Variants in SMC6 observed in about 807,000 individuals in gnomAD.
SMC6 encodes the protein structural maintenance of chromosomes 6.
Under a neutral mutation model 142.2 loss-of-function variants are expected in SMC6, and 79 were observed. The observed-to-expected ratio is 0.56, with a 90% CI of 0.46 to 0.67. SMC6 has a LOEUF of 0.67. SMC6 is among the 30% of genes least tolerant of loss of function. The pLI is 0.00. For synonymous variants in SMC6, 411 were observed against 412.4 expected (o/e 1.00, Z 0.04); for missense variants, 1,072 against 1,284.0 (o/e 0.83, Z 2.52).
At chr2:17,739,849 C>G (rs1004363641) in intron 4 of SMC6, among the ~76,000 whole-genome samples, 11 of 143,078 alleles carry the variant, frequency 7.7e-5, no homozygotes, top group South Asian at 2.3e-4. Context: ...CACACAGACA[C>G]ACACACACAC....
chr2:17,741,553 A>T, intron 4 of SMC6, 59 bp downstream of exon 4: 1 of 1,046,358 alleles, frequency 9.6e-7, no homozygotes, highest in South Asian at 1.5e-5. Context: ...TCAAAAAGTT[A>T]ACGTACTCTA....
At chr2:17,719,796 A>G (rs1481801499) in intron 11 of SMC6, among the ~76,000 whole-genome samples, 1 of 152,188 alleles carries the variant, frequency 6.6e-6, no homozygotes. Flanking sequence ...TAAGTGTCCT[A>G]TCTTTACCTA....
chr2:17,716,708 GA>G (rs1245332234), intron 14 of SMC6, 32 bp downstream of exon 14: 5 of 1,589,226 alleles, frequency 3.1e-6, no homozygotes, highest in East Asian at 2.2e-5. Context: ...AAAAGTAATT[GA>G]AAAAAATCAT....
At chr2:17,729,490 A>C (rs554663120) in intron 7 of SMC6, among the ~76,000 whole-genome samples, 1 of 152,338 alleles carries the variant, frequency 6.6e-6, no homozygotes, top group African/African-American at 2.4e-5. Context: ...CCACAGAAGA[A>C]GGAAGAAGCC....
chr2:17,696,673 T>C (rs1386640604), intron 21 of SMC6, among the ~76,000 whole-genome samples: 1 of 152,160 alleles, frequency 6.6e-6, no homozygotes, highest in Non-Finnish European at 1.5e-5. Flanking sequence ...AACTAGGTGT[T>C]TTTGGGGGAA....
rs143229444 is a variant in SMC6, at chr2:17,715,557, T to C, written c.1526-492A>G. On this transcript the variant is annotated intron_variant, in intron 15 of 27. Coordinates refer to ENST00000448223, the MANE Select transcript of SMC6 (RefSeq NM_001142286.2). ...ATACTTTACTAACAAAATATATTTA[T>C]AAGCATTTTCACCTAATGATTTTCA... Among the ~76,000 whole-genome samples, 47 of 152,280 alleles carry C rather than the reference T, an allele frequency of 3.1e-4. No homozygotes were observed. In the East Asian group the frequency reaches 4.6e-3, roughly 15 times the overall value.
At chr2:17,731,164 A>G in intron 6 of SMC6, 25 bp from the exon 7 acceptor site, 1 of 1,551,294 alleles carries the variant, frequency 6.4e-7, no homozygotes, top group Non-Finnish European at 8.9e-7. Flanking sequence ...CATATGAAAT[A>G]ACCAAACTGT....
At chr2:17,685,424 T>C (rs1406261016) in intron 23 of SMC6, among the ~76,000 whole-genome samples, 1 of 152,134 alleles carries the variant, frequency 6.6e-6, no homozygotes, top group Non-Finnish European at 1.5e-5. Flanking sequence ...GATTTTATAT[T>C]AGGTGAAACT....
chr2:17,693,740 A>T (rs1035500830), intron 23 of SMC6, among the ~76,000 whole-genome samples: 6 of 152,128 alleles, frequency 3.9e-5, no homozygotes, highest in African/African-American at 9.7e-5. Flanking sequence ...TCATGCCTGT[A>T]ATCTCAGCAC....
At chr2:17,694,007 A>G (rs1667869050) in intron 23 of SMC6, among the ~76,000 whole-genome samples, 1 of 143,672 alleles carries the variant, frequency 7.0e-6, no homozygotes, top group Admixed American at 6.8e-5. Flanking sequence ...TCTCAAAAAA[A>G]AAAAAAAAAA....
At chr2:17,722,748 C>G (rs532305390) in intron 9 of SMC6, among the ~76,000 whole-genome samples, 1 of 152,282 alleles carries the variant, frequency 6.6e-6, no homozygotes, top group Admixed American at 6.5e-5. Context: ...CTGCCCTTGG[C>G]TTCTCATGGC....
At chr2:17,714,093 T>G (rs895989402) in intron 16 of SMC6, among the ~76,000 whole-genome samples, 13 of 38,886 alleles carry the variant, frequency 3.3e-4, no homozygotes, top group African/African-American at 3.1e-3. Flanking sequence ...GTTTTTTTTG[T>G]TTTTTTTTTT....
intron 7 of SMC6, among the ~76,000 whole-genome samples, chr2:17,729,410 G>C (rs1175023804): frequency 6.6e-6 from 1 of 152,182 alleles, no homozygotes; most frequent in Admixed American, 6.5e-5. Context: ...CCCCAAGGAA[G>C]TGAGAGCTTA....
chr2:17,746,162 C>A, intron 2 of SMC6: 1 of 441,630 alleles, frequency 2.3e-6, no homozygotes, highest in Non-Finnish European at 3.9e-6. Context: ...TAGATTTTCC[C>A]CTAGAGGCCC....
chr2:17,727,631 T>C (rs1669695610), intron 7 of SMC6, among the ~76,000 whole-genome samples: 1 of 152,076 alleles, frequency 6.6e-6, no homozygotes. Context: ...ATTGGAAAAG[T>C]ATAGAAAAAA....
intron 24 of SMC6, chr2:17,679,495 C>G (rs1667145734): frequency 6.6e-6 from 1 of 152,204 alleles, no homozygotes; most frequent in African/African-American, 2.4e-5. Context: ...ATCTTTCCTT[C>G]TCTATATATT....
At position 17,739,189 on chromosome 2, in the gene SMC6, C is replaced by G. The variant is rs118041033; in HGVS notation, c.239-863G>C. 9.3e-4 allele frequency among the ~76,000 whole-genome samples: 142 copies of G among 152,244 alleles called. 2 individuals carry two copies. The East Asian group carries it at 0.026, about 27-fold the overall frequency. On this transcript the variant is annotated intron_variant, in intron 4 of 27. Coordinates refer to ENST00000448223, the MANE Select transcript of SMC6 (RefSeq NM_001142286.2). ...TTCTAGCTCTTTGAGAAGTGTACTT[C>G]TTTATACCCTAACAGATCTAAAATA...
chr2:17,730,247 C>G (rs1469989140), intron 7 of SMC6, among the ~76,000 whole-genome samples: 1 of 152,154 alleles, frequency 6.6e-6, no homozygotes, highest in Non-Finnish European at 1.5e-5. Context: ...ACCCTATTAT[C>G]AATTAATTCA....
intron 12 of SMC6, among the ~76,000 whole-genome samples, chr2:17,717,508 A>T (rs1416228686): frequency 6.6e-6 from 1 of 151,980 alleles, no homozygotes; most frequent in East Asian, 1.9e-4. Context: ...CGTCTCTACT[A>T]AAAATACGAA....
Sources: allele counts gnomAD v4.1 joint callset (sites outside exome capture counted in the v4.1 genomes callset), GRCh38; gene constraint gnomAD v4.1.1; transcripts MANE v1.5; gene names NCBI Gene and HGNC (gene_info 2026-07-23, HGNC 2026-07-21).